ZSCAN5A: variants seen among roughly 807,000 people sequenced by gnomAD.
The protein encoded by ZSCAN5A is zinc finger and SCAN domain containing 5A.
In ZSCAN5A, 12 loss-of-function variants were observed where a neutral mutation model predicts 23.7. The observed-to-expected ratio is 0.51, with a 90% CI of 0.32 to 0.82. ZSCAN5A has a LOEUF of 0.82. Among genes scored for constraint, ZSCAN5A ranks in the 40% least tolerant of loss-of-function variants. The probability of loss-of-function intolerance (pLI) is 0.03; values close to 1 mark genes in which losing one functional copy is unlikely to be tolerated. For synonymous variants in ZSCAN5A, 257 were observed against 239.9 expected, an observed-to-expected ratio of 1.07 and a Z score of -0.66; for missense variants, 597 against 617.9, an observed-to-expected ratio of 0.97 and a Z score of 0.36.
chr19:56,291,037 G>C (rs1227642483), intron 2 of ZSCAN5A, among the ~76,000 whole-genome samples: 1 of 152,182 alleles, frequency 6.6e-6, no homozygotes, highest in African/African-American at 2.4e-5. Flanking sequence ...AGATTGTGTG[G>C]AGAGCCGTGA....
intron 2 of ZSCAN5A, among the ~76,000 whole-genome samples, chr19:56,329,876 T>TA (rs2041473977): frequency 6.6e-6 from 1 of 152,154 alleles, no homozygotes; most frequent in Admixed American, 6.5e-5. Context: ...AATACATGAG[T>TA]AGGTGTGTTA....
At chr19:56,298,277 T>C (rs1251368729) in intron 2 of ZSCAN5A, 2 of 151,976 alleles carry the variant, frequency 1.3e-5, no homozygotes, top group East Asian at 3.9e-4. Flanking sequence ...GCCAATAAAA[T>C]TGAAAGTTTA....
At chr19:56,289,535 T>G in intron 2 of ZSCAN5A, among the ~76,000 whole-genome samples, 1 of 152,196 alleles carries the variant, frequency 6.6e-6, no homozygotes, top group Non-Finnish European at 1.5e-5. Flanking sequence ...TGTCCATCTT[T>G]TAGTACATGT....
At chr19:56,317,909 A>G (rs1345402825), upstream of ZSCAN5A, 3 of 152,298 alleles carry the variant, frequency 2.0e-5, no homozygotes, top group Admixed American at 6.5e-5. Context: ...CCAAAGTTTC[A>G]TCATAGGCCA....
chr19:56,306,041 G>T (rs1445363316), intron 2 of ZSCAN5A, among the ~76,000 whole-genome samples: 1 of 152,130 alleles, frequency 6.6e-6, no homozygotes, highest in South Asian at 2.1e-4. Flanking sequence ...GACCACCTCA[G>T]ACCTGGAAGA....
At chr19:56,269,912 T>C (rs1402429417) in intron 2 of ZSCAN5A, among the ~76,000 whole-genome samples, 4 of 152,178 alleles carry the variant, frequency 2.6e-5, no homozygotes, top group African/African-American at 9.7e-5. Flanking sequence ...AATAAATCTA[T>C]GTCGTCTTAA....
At position 56,357,952 on chromosome 19, in the gene ZSCAN5A, G is replaced by A. The variant is rs191125424; in HGVS notation, c.-358+5283C>T. On this transcript the variant is annotated intron_variant, in intron 2 of 6. Transcript: ENST00000587340. ...AGCAAATGGAAAGCAGAAACAAGCA[G>A]GGGTTGCAATCCTAGTCTCTGGCAA... 1.9e-3 allele frequency among the ~76,000 whole-genome samples: 289 copies of A among 148,436 alleles called. 32 individuals carry two copies. The highest frequency in any genetic ancestry group is 7.1e-3 in the African/African-American group (279 of 39,324).
intron 2 of ZSCAN5A, among the ~76,000 whole-genome samples, chr19:56,254,783 C>G (rs1285574185): frequency 1.3e-5 from 2 of 152,056 alleles, no homozygotes; most frequent in Non-Finnish European, 2.9e-5. Flanking sequence ...TTACATTTCC[C>G]TAATTATTAG....
intron 2 of ZSCAN5A, chr19:56,347,582 A>G (rs2041642395): frequency 6.6e-6 from 1 of 152,214 alleles, no homozygotes; most frequent in Non-Finnish European, 1.5e-5. Flanking sequence ...AAAACAAGGT[A>G]TCATACTCTA....
chr19:56,269,105 T>A (rs2037666207), intron 2 of ZSCAN5A, among the ~76,000 whole-genome samples: 2 of 152,328 alleles, frequency 1.3e-5, no homozygotes, highest in Non-Finnish European at 2.9e-5. Context: ...TGAATATTTG[T>A]GTAATTACCT....
intron 2 of ZSCAN5A, among the ~76,000 whole-genome samples, chr19:56,344,966 G>A (rs866263451): frequency 6.7e-6 from 1 of 149,024 alleles, no homozygotes; most frequent in Admixed American, 6.7e-5. Context: ...TTAGCCAGGC[G>A]TGTTGGCAGG....
In ZSCAN5A at chr19:56,223,782, T is replaced by G. The variant is rs1367234162; in HGVS notation, c.437A>C (p.Glu146Ala). The change falls in exon 4 of 6, where the codon GAG (glutamate) becomes GCG (alanine). Residue 146 changes from glutamate to alanine, a missense_variant. Transcript: ENST00000683990. ...GACACTGGAGGGGGCTTCAGCCATCTCGATATCTGAGTCCTGCACAATATA... is the reference window on the plus strand; with the variant it reads ...GACACTGGAGGGGGCTTCAGCCATCGCGATATCTGAGTCCTGCACAATATA... ...KEYIVQDSDI[E>A]MAEAPSSVRD... 1.9e-6 allele frequency: 3 copies of G among 1,613,930 alleles called. No homozygotes were observed. In the Admixed American group the frequency reaches 5.0e-5, roughly 27 times the overall value.
intron 2 of ZSCAN5A, among the ~76,000 whole-genome samples, chr19:56,231,990 T>C (rs1408338899): frequency 1.7e-5 from 1 of 57,998 alleles, no homozygotes; most frequent in Non-Finnish European, 3.8e-5. Flanking sequence ...TTTCTTTTTT[T>C]CTTTTCTTTT....
chr19:56,225,114 C>A lies in ZSCAN5A; in HGVS notation c.-68G>T. On this transcript the variant is annotated 5_prime_UTR_variant, in exon 3 of 6. It adds an upstream start codon to the 5' untranslated region. Transcript: ENST00000683990. ...CCAGTAGCTGGTATCTAATTGATAC[C>A]TATCTACACAGGCTTCCTCTGGTTT... The A allele has an allele frequency of 6.7e-7, 1 of 1,500,996 alleles. No homozygotes were observed. The highest frequency in any genetic ancestry group is 1.4e-5 in the South Asian group (1 of 72,860). The allele number at this position is 1,500,996 out of a possible 1,614,324, so 93.0% of individuals were successfully genotyped here. A position where few individuals can be genotyped will look rare whatever the true frequency, so the allele number is the denominator to read the frequency against.
chr19:56,291,630 A>G (rs2039514647), intron 2 of ZSCAN5A, among the ~76,000 whole-genome samples: 1 of 152,062 alleles, frequency 6.6e-6, no homozygotes. Context: ...AACAGCACTG[A>G]AACCTAAGAG....
chr19:56,223,033 C>G (rs1268675271), intron 4 of ZSCAN5A, among the ~76,000 whole-genome samples: 1 of 152,184 alleles, frequency 6.6e-6, no homozygotes, highest in Non-Finnish European at 1.5e-5. Flanking sequence ...CTCCCTGCAC[C>G]TGACACTGGA....
chr19:56,249,460 C>T (rs1443215844), intron 2 of ZSCAN5A, among the ~76,000 whole-genome samples: 3 of 152,102 alleles, frequency 2.0e-5, no homozygotes, highest in African/African-American at 7.2e-5. Flanking sequence ...TTAGTAGAGA[C>T]AGGGTTTCGC....
chr19:56,328,438 G>C (rs977084536), intron 2 of ZSCAN5A, among the ~76,000 whole-genome samples: 1 of 151,500 alleles, frequency 6.6e-6, no homozygotes, highest in Non-Finnish European at 1.5e-5. Flanking sequence ...GAAGTCAGGA[G>C]TTTGAGACCA....
chr19:56,300,802 TA>T (rs113042044), intron 2 of ZSCAN5A, among the ~76,000 whole-genome samples: 6,119 of 149,178 alleles, frequency 0.041, 202 homozygotes, highest in South Asian at 0.13. Flanking sequence ...GGTTTACGTG[TA>T]AAAAAAAAAT....
Sources: allele counts gnomAD v4.1 joint callset (sites outside exome capture counted in the v4.1 genomes callset), GRCh38; gene constraint gnomAD v4.1.1; transcripts MANE v1.5; gene names NCBI Gene and HGNC (gene_info 2026-07-23, HGNC 2026-07-21).